RPS6KA5: variants seen among roughly 807,000 people sequenced by gnomAD.
RPS6KA5 encodes the protein ribosomal protein S6 kinase alpha-5.
In RPS6KA5, 27 loss-of-function variants were observed where a neutral mutation model predicts 85.5. The ratio of observed to expected loss-of-function variants is 0.32; its 90% CI spans 0.23 to 0.44. The LOEUF is 0.44. RPS6KA5 is among the 20% of genes least tolerant of loss of function. RPS6KA5 has a pLI of 1.00. For synonymous variants in RPS6KA5, 334 were observed against 348.2 expected, an observed-to-expected ratio of 0.96 and a Z score of 0.46; for missense variants, 811 against 980.9, an observed-to-expected ratio of 0.83 and a Z score of 2.31.
Position 91,060,347 on chromosome 14 carries a change from G to A in RPS6KA5, c.88C>T (p.His30Tyr). 4.1e-6 allele frequency: 6 copies of A among 1,453,374 alleles called. No individual in the cohort carries two copies. Among genetic ancestry groups the A allele is most frequent in the African/African-American group, 1.5e-5 (1 of 68,820 alleles). The allele number at this position is 1,453,374 out of a possible 1,614,324, so 90.0% of individuals were successfully genotyped here. The change falls in exon 1 of 17, where the codon CAC (histidine) becomes TAC (tyrosine). Residue 30 changes from histidine (H) to tyrosine (Y), a missense_variant. His to Tyr is a moderately conservative substitution (Grantham distance 83). Transcript: ENST00000614987. ...DGGEQLLTVK[H>Y]ELRTANLTGH... is the part of the protein sequence containing the mutation. ...GGTCGCTCACCAGTCCGCAGCTCGT[G>A]CTTGACAGTGAGGAGCTGCTCTCCT...
chr14:91,018,789 C>T (rs533047654), intron 1 of RPS6KA5, among the ~76,000 whole-genome samples: 1 of 151,978 alleles, frequency 6.6e-6, no homozygotes, highest in Non-Finnish European at 1.5e-5. Context: ...GCTTGCAAGA[C>T]GGCCTATCGT....
At chr14:90,983,321 A>G (rs1330799618) in intron 2 of RPS6KA5, among the ~76,000 whole-genome samples, 1 of 151,652 alleles carries the variant, frequency 6.6e-6, no homozygotes, top group African/African-American at 2.4e-5. Flanking sequence ...TGAGCAAAGT[A>G]TGGGCACAGT....
chr14:90,997,106 T>C (rs1013475628), intron 2 of RPS6KA5, among the ~76,000 whole-genome samples: 2 of 152,216 alleles, frequency 1.3e-5, no homozygotes, highest in Admixed American at 1.3e-4. Flanking sequence ...TCTTCCTGTT[T>C]TAAAATTGTT....
chr14:90,880,328 T>C (rs1367845339), intron 14 of RPS6KA5, among the ~76,000 whole-genome samples: 3 of 152,180 alleles, frequency 2.0e-5, no homozygotes, highest in Admixed American at 2.0e-4. Flanking sequence ...TTACTTTCTG[T>C]CTCTATGATT....
chr14:91,060,414 G>A lies in RPS6KA5; in HGVS notation c.21C>T (p.Ser7=). The A allele has an allele frequency of 1.3e-6, 2 of 1,503,354 alleles. No individual in the cohort carries two copies. Among genetic ancestry groups the A allele is most frequent in the South Asian group, 1.3e-5 (1 of 77,560 alleles). 93.1% of individuals were successfully genotyped at this position (1,503,354 alleles called of 1,614,324 possible). Residue 7 remains serine (S), a synonymous_variant, in exon 1 of 17, where the codon AGC becomes AGT. Coordinates refer to ENST00000614987, the MANE Select transcript of RPS6KA5 (RefSeq NM_004755.4). ...CGCTGGTCCCCGCGGCGCCGCCGCT[G>A]CTGCCACCCTCCTCCTCCATCTTCT... is the stretch of plus-strand genomic sequence containing the variant. MEEEGG[S]SGGAAGTSAD...
intron 14 of RPS6KA5, among the ~76,000 whole-genome samples, chr14:90,885,769 A>G (rs990123428): frequency 5.7e-5 from 8 of 139,780 alleles, no homozygotes; most frequent in African/African-American, 2.6e-5. Context: ...AAAAAAAAAA[A>G]AAAAGAAAAA....
chr14:90,995,630 T>A (rs1308628421), intron 2 of RPS6KA5, among the ~76,000 whole-genome samples: 1 of 152,178 alleles, frequency 6.6e-6, no homozygotes, highest in Non-Finnish European at 1.5e-5. Context: ...GCAGCTTATT[T>A]GCTTCTCTAA....
intron 1 of RPS6KA5, among the ~76,000 whole-genome samples, chr14:91,023,756 CT>C (rs1255839331): frequency 8.5e-6 from 1 of 117,536 alleles, no homozygotes; most frequent in African/African-American, 3.0e-5. Context: ...CCTAACTATC[CT>C]TCCGTTTATA....
Position 91,022,113 on chromosome 14 carries a change from C to A in RPS6KA5, c.104-20954G>T, listed in dbSNP as rs554923898. Reference sequence around the variant, plus strand: ...TTATATTGTATACATATGTGGTATGCGTGTTTCATAATATTATAAGGAATG... The same window carrying A: ...TTATATTGTATACATATGTGGTATGAGTGTTTCATAATATTATAAGGAATG... On this transcript the variant is annotated intron_variant, in intron 1 of 16. Transcript: ENST00000614987. Among the ~76,000 whole-genome samples, 31 of 152,242 alleles carry A rather than the reference C, an allele frequency of 2.0e-4. No individual in the cohort carries two copies. In the South Asian group the frequency reaches 6.0e-3, roughly 30 times the overall value.
rs75816862 is a variant in RPS6KA5, at chr14:90,902,697, T to G, written c.1119+111A>C. 513 of 966,268 alleles carry G rather than the reference T, an allele frequency of 5.3e-4. 2 individuals carry two copies. Among genetic ancestry groups the G allele is most frequent in the African/African-American group, 4.8e-3 (291 of 61,066 alleles). 59.9% of individuals were successfully genotyped at this position (966,268 alleles called of 1,614,324 possible). A position where few individuals can be genotyped will look rare whatever the true frequency, so the allele number is the denominator to read the frequency against. On this transcript the variant is annotated intron_variant, in intron 9 of 16. Coordinates refer to ENST00000614987, the MANE Select transcript of RPS6KA5 (RefSeq NM_004755.4). ...CTGCATTTAATAATTTAGAGGATAT[T>G]AGAGAATCCCATTTTTATGATGCCA... is the stretch of plus-strand genomic sequence containing the variant.
chr14:91,054,546 A>G (rs1414711105), intron 1 of RPS6KA5, among the ~76,000 whole-genome samples: 10 of 151,826 alleles, frequency 6.6e-5, no homozygotes, highest in Admixed American at 6.6e-4. Context: ...CTGAAGCATG[A>G]GAATTGCTGG....
At chr14:90,987,133 T>A (rs1037193252) in intron 2 of RPS6KA5, among the ~76,000 whole-genome samples, 1 of 152,222 alleles carries the variant, frequency 6.6e-6, no homozygotes, top group Non-Finnish European at 1.5e-5. Flanking sequence ...ATTGTAGGCT[T>A]ACACTGAAGC....
At chr14:90,884,442 G>T (rs554698076) in intron 14 of RPS6KA5, among the ~76,000 whole-genome samples, 1 of 152,118 alleles carries the variant, frequency 6.6e-6, no homozygotes, top group Non-Finnish European at 1.5e-5. Context: ...CAAATATGCC[G>T]AAATCCAAAG....
Position 90,955,969 on chromosome 14 carries a change from G to A in RPS6KA5, c.395-8419C>T, listed in dbSNP as rs556898216. On this transcript the variant is annotated intron_variant, in intron 3 of 16. Coordinates refer to ENST00000614987, the MANE Select transcript of RPS6KA5 (RefSeq NM_004755.4). ...TGCATCCACTGATTCAACCAACCAT[G>A]GGTCAAAAATATTCAGAAATGTAAC... 2.6e-5 allele frequency among the ~76,000 whole-genome samples: 4 copies of A among 152,062 alleles called. No homozygotes were observed. In the East Asian group the frequency reaches 7.7e-4, roughly 29 times the overall value.
chr14:91,044,219 C>T (rs115455045), intron 1 of RPS6KA5, among the ~76,000 whole-genome samples: 1,466 of 120,894 alleles, frequency 0.012, 23 homozygotes, highest in African/African-American at 0.045. Flanking sequence ...AAGAGTAAAA[C>T]GAAAGAGAGA....
chr14:90,907,641 A>G (rs2035584875), intron 7 of RPS6KA5, among the ~76,000 whole-genome samples: 1 of 152,198 alleles, frequency 6.6e-6, no homozygotes, highest in East Asian at 1.9e-4. Flanking sequence ...GTTAATCTCA[A>G]AGTTAATTCT....
intron 1 of RPS6KA5, among the ~76,000 whole-genome samples, chr14:91,022,988 G>C (rs2041845815): frequency 6.6e-6 from 1 of 150,648 alleles, no homozygotes; most frequent in South Asian, 2.1e-4. Context: ...AGGAGGCTGG[G>C]GCAGGAGAAT....
intron 11 of RPS6KA5, 143 bp from the exon 12 acceptor site, chr14:90,899,565 T>A: frequency 1.8e-6 from 1 of 564,548 alleles, no homozygotes; most frequent in South Asian, 2.5e-5. Context: ...TCCATGAAAG[T>A]AATGAATTAT....
chr14:91,023,168 G>T (rs1036427535), intron 1 of RPS6KA5, among the ~76,000 whole-genome samples: 24 of 149,966 alleles, frequency 1.6e-4, no homozygotes, highest in African/African-American at 5.4e-4. Context: ...CTACAAATAA[G>T]TATATTAAGT....
Sources: gnomAD v4.1 joint callset for allele counts (sites outside exome capture counted in the v4.1 genomes callset) on GRCh38, gnomAD v4.1.1 for gene constraint, MANE v1.5 for transcripts, NCBI Gene and HGNC (gene_info 2026-07-23, HGNC 2026-07-21) for gene names.